The following ADGRA3 variants were observed in gnomAD, a reference collection of about 807,000 sequenced individuals.
ADGRA3 encodes the protein adhesion G protein-coupled receptor A3, also known as G-protein coupled receptor 125.
ADGRA3 carries 56 observed loss-of-function variants against 119.8 expected under a neutral mutation model. That is an observed-to-expected ratio of 0.47 (90% CI 0.38 to 0.58). ADGRA3 has a LOEUF of 0.58. Ranked by LOEUF, ADGRA3 falls within the 20% of genes least tolerant of loss-of-function variation. The pLI is 0.00. For missense variants in ADGRA3, 1,516 were observed against 1,649.0 expected, an observed-to-expected ratio of 0.92 and a Z score of 1.40; for synonymous variants, 607 against 623.8, an observed-to-expected ratio of 0.97 and a Z score of 0.40.
At chr4:22,438,096 C>G (rs1000985367) in intron 8 of ADGRA3, among the ~76,000 whole-genome samples, 160 bp downstream of exon 8, 6 of 152,190 alleles carry the variant, frequency 3.9e-5, no homozygotes, top group Non-Finnish European at 8.8e-5. Context: ...TTTTGTTCAT[C>G]TCCATATGTG....
chr4:22,456,775 C>T (rs934341135), intron 3 of ADGRA3, among the ~76,000 whole-genome samples: 2 of 152,206 alleles, frequency 1.3e-5, no homozygotes, highest in Non-Finnish European at 2.9e-5. Flanking sequence ...AGGCCTAATA[C>T]AGCACCTTAG....
At chr4:22,407,541 ACT>A (rs1043168523) in intron 14 of ADGRA3, among the ~76,000 whole-genome samples, 4 of 151,976 alleles carry the variant, frequency 2.6e-5, no homozygotes, top group African/African-American at 9.7e-5. Flanking sequence ...ATAGAAAATG[ACT>A]CTGCCCTCCA....
intron 7 of ADGRA3, among the ~76,000 whole-genome samples, chr4:22,441,559 C>T (rs1164521024): frequency 6.6e-6 from 1 of 152,138 alleles, no homozygotes; most frequent in African/African-American, 2.4e-5. Context: ...TTATGGGCTC[C>T]GTGGGCCAGA....
chr4:22,444,456 T>G (rs1215865192), intron 6 of ADGRA3, among the ~76,000 whole-genome samples: 1 of 152,148 alleles, frequency 6.6e-6, no homozygotes, highest in South Asian at 2.1e-4. Context: ...CAGCTAATTT[T>G]TGTATTTTTA....
At chr4:22,414,362 GAA>G in intron 12 of ADGRA3, 1 of 362,072 alleles carries the variant, frequency 2.8e-6, no homozygotes, top group African/African-American at 2.1e-5. Flanking sequence ...AACACATTTA[GAA>G]AAAAAAAATA....
At chr4:22,497,874 C>T (rs6818041) in intron 1 of ADGRA3, among the ~76,000 whole-genome samples, 145,769 of 148,178 alleles carry the variant, frequency 0.98, 71,749 homozygotes, top group Middle Eastern at 1. Flanking sequence ...AGCCCAGGAG[C>T]TCAAGGCTAC....
intron 2 of ADGRA3, among the ~76,000 whole-genome samples, chr4:22,471,716 G>A (rs1717863970): frequency 1.3e-5 from 2 of 152,040 alleles, no homozygotes; most frequent in Middle Eastern, 3.2e-3. Context: ...TTTTCACACT[G>A]AAGTCCCCAC....
At chr4:22,426,118 T>C (rs868374523) in intron 10 of ADGRA3, among the ~76,000 whole-genome samples, 18 of 152,182 alleles carry the variant, frequency 1.2e-4, no homozygotes, top group African/African-American at 3.9e-4. Flanking sequence ...AATCCCGAAA[T>C]TGGCCTCTCT....
At chr4:22,507,248 T>A (rs939532060) in intron 1 of ADGRA3, among the ~76,000 whole-genome samples, 10 of 151,650 alleles carry the variant, frequency 6.6e-5, no homozygotes, top group African/African-American at 2.2e-4. Context: ...TCAAAAAAAA[T>A]AAAATAAATA....
intron 2 of ADGRA3, among the ~76,000 whole-genome samples, chr4:22,471,581 G>C (rs571366262): frequency 7.7e-4 from 117 of 152,302 alleles, no homozygotes; most frequent in Middle Eastern, 3.4e-3. Context: ...CACACTGTCA[G>C]ACTGAGGCCA....
chr4:22,404,426 TG>T (rs1714806536), intron 14 of ADGRA3, among the ~76,000 whole-genome samples: 1 of 152,090 alleles, frequency 6.6e-6, no homozygotes, highest in Admixed American at 6.5e-5. Flanking sequence ...CCTTGTCAAA[TG>T]ATGAACAGTT....
intron 1 of ADGRA3, among the ~76,000 whole-genome samples, chr4:22,506,109 A>T (rs1170832867): frequency 2.0e-5 from 3 of 152,142 alleles, no homozygotes. Flanking sequence ...CTGCAGACAA[A>T]AAAGAACAAA....
chr4:22,493,137 G>T (rs1718690868), intron 1 of ADGRA3, among the ~76,000 whole-genome samples: 1 of 152,122 alleles, frequency 6.6e-6, no homozygotes, highest in Admixed American at 6.6e-5. Context: ...GCTAGTTTTT[G>T]TATTTCTTCG....
At position 22,420,869 on chromosome 4, in the gene ADGRA3, T is replaced by C; in HGVS notation, c.1809+17A>G. The C allele has an allele frequency of 6.2e-7, 1 of 1,604,966 alleles. No homozygotes were observed. The highest frequency in any genetic ancestry group is 8.5e-7 in the Non-Finnish European group (1 of 1,171,614). On this transcript the variant is annotated intron_variant, in intron 12 of 18. Transcript: ENST00000334304. ...TTAACTGTAAATAGTCTTAAATGAT[T>C]GCAGAATGTAACATACCTTTAGTGC...
intron 12 of ADGRA3, among the ~76,000 whole-genome samples, chr4:22,416,995 T>A (rs1038737120): frequency 2.6e-5 from 4 of 152,198 alleles, no homozygotes; most frequent in African/African-American, 9.6e-5. Flanking sequence ...TACAGTATTC[T>A]AACATGAAAA....
intron 16 of ADGRA3, chr4:22,394,736 T>C (rs1714280994): frequency 6.6e-6 from 1 of 152,192 alleles, no homozygotes; most frequent in Admixed American, 6.5e-5. Flanking sequence ...AAGAATTTTC[T>C]ACAGGGGACA....
At chr4:22,475,279 A>C (rs933752685) in intron 1 of ADGRA3, among the ~76,000 whole-genome samples, 1 of 152,328 alleles carries the variant, frequency 6.6e-6, no homozygotes, top group East Asian at 1.9e-4. Context: ...ATACTCAATG[A>C]GTATCCATTA....
intron 1 of ADGRA3, among the ~76,000 whole-genome samples, chr4:22,478,587 T>C (rs1000912868): frequency 2.6e-5 from 4 of 152,328 alleles, no homozygotes; most frequent in Non-Finnish European, 4.4e-5. Context: ...CTGAAGTGGT[T>C]TGAAAGGCAT....
intron 8 of ADGRA3, 112 bp downstream of exon 8, chr4:22,438,144 A>G: frequency 1.3e-6 from 1 of 751,228 alleles, no homozygotes; most frequent in Non-Finnish European, 2.3e-6. Context: ...GTCCTCAGAC[A>G]TGTGCAGTTC....
Sources: allele counts gnomAD v4.1 joint callset (sites outside exome capture counted in the v4.1 genomes callset), GRCh38; gene constraint gnomAD v4.1.1; transcripts MANE v1.5; gene names NCBI Gene and HGNC (gene_info 2026-07-23, HGNC 2026-07-21).